CD247: variants seen among roughly 807,000 people sequenced by gnomAD.
CD247 encodes CD247 molecule, also known as T-cell surface glycoprotein CD3 zeta chain.
In CD247, 13 loss-of-function variants were observed where a neutral mutation model predicts 30.0. The ratio of observed to expected loss-of-function variants is 0.43; its 90% CI spans 0.28 to 0.69. The LOEUF (loss-of-function observed/expected upper bound fraction) is 0.69. CD247 is among the 30% of genes least tolerant of loss of function. The pLI is 0.16. For missense variants in CD247, 193 were observed against 212.6 expected (o/e 0.91, Z 0.57); for synonymous variants, 72 against 80.0 (o/e 0.90, Z 0.53).
chr1:167,502,922 G>A (rs1315558436), intron 1 of CD247, among the ~76,000 whole-genome samples: 2 of 152,122 alleles, frequency 1.3e-5, no homozygotes, highest in Non-Finnish European at 2.9e-5. Flanking sequence ...CCTTGACTTT[G>A]GACTTTTAGC....
chr1:167,473,301 T>G (rs1256760241), intron 1 of CD247, among the ~76,000 whole-genome samples: 1 of 152,188 alleles, frequency 6.6e-6, no homozygotes, highest in Non-Finnish European at 1.5e-5. Context: ...GCTCCCTGCT[T>G]GCCATCTCCT....
chr1:167,477,303 C>A (rs1465403000), intron 1 of CD247, among the ~76,000 whole-genome samples: 1 of 152,224 alleles, frequency 6.6e-6, no homozygotes, highest in Admixed American at 6.5e-5. Flanking sequence ...ATGACCTTGA[C>A]AATTTTACCT....
At chr1:167,497,767 T>C (rs746713478) in intron 1 of CD247, among the ~76,000 whole-genome samples, 9 of 152,176 alleles carry the variant, frequency 5.9e-5, no homozygotes, top group Non-Finnish European at 1.2e-4. Context: ...ACCCTATCCA[T>C]AACCTGAATT....
In CD247 at chr1:167,434,288, C is replaced by T. The variant is rs1651421314; in HGVS notation, c.337-212G>A. ...CCTCATCCTCAGCCCTTTGGAGTCTCCTCCGAGCTGCCAGCTCTTTGCACT... is the reference window on the plus strand; with the variant it reads ...CCTCATCCTCAGCCCTTTGGAGTCTTCTCCGAGCTGCCAGCTCTTTGCACT... On this transcript the variant is annotated intron_variant, in intron 5 of 7. Coordinates refer to ENST00000362089, the MANE Select transcript of CD247 (RefSeq NM_198053.3). 3 of 610,812 alleles carry T rather than the reference C, an allele frequency of 4.9e-6. No homozygotes were observed. In the East Asian group the frequency reaches 8.4e-5, roughly 17 times the overall value. The allele number at this position is 610,812 out of a possible 1,614,324, so 37.8% of individuals were successfully genotyped here.
At chr1:167,471,537 AT>A (rs1325016178) in intron 1 of CD247, among the ~76,000 whole-genome samples, 2 of 152,138 alleles carry the variant, frequency 1.3e-5, no homozygotes, top group African/African-American at 4.8e-5. Flanking sequence ...CATTTTTTTC[AT>A]GTGTTTTCTT....
intron 4 of CD247, among the ~76,000 whole-genome samples, chr1:167,438,020 G>GAGGA (rs57753052): frequency 0.026 from 3,962 of 150,858 alleles, 67 homozygotes; most frequent in East Asian, 0.031. Flanking sequence ...AATAAAGACA[G>GAGGA]AGGAAGGAAG....
chr1:167,446,952 G>A (rs912603543), intron 1 of CD247, among the ~76,000 whole-genome samples: 5 of 152,106 alleles, frequency 3.3e-5, no homozygotes, highest in African/African-American at 9.7e-5. Context: ...CGGAGATTAC[G>A]CCACTACACT....
chr1:167,502,807 A>G (rs1204637702), intron 1 of CD247, among the ~76,000 whole-genome samples: 1 of 152,194 alleles, frequency 6.6e-6, no homozygotes. Context: ...TGATGCATCT[A>G]CAAGCCAAGG....
At position 167,438,834 on chromosome 1, in the gene CD247, G is replaced by C. The variant is rs79939937; in HGVS notation, c.220-184C>G. On this transcript the variant is annotated intron_variant, in intron 3 of 7. Coordinates refer to ENST00000362089, the MANE Select transcript of CD247 (RefSeq NM_198053.3). ...TCCCAGAGGACATCTCAGAGAACAC[G>C]CCTTAACATGACAGTGGATGGGATC... is the stretch of plus-strand genomic sequence containing the variant. Among the ~76,000 whole-genome samples, 2,203 of 152,196 alleles carry C rather than the reference G, an allele frequency of 0.014. 27 individuals are homozygous for C. The highest frequency in any genetic ancestry group is 0.028 in the South Asian group (136 of 4,814).
chr1:167,450,143 C>T (rs1250684090), intron 1 of CD247, among the ~76,000 whole-genome samples: 2 of 152,130 alleles, frequency 1.3e-5, no homozygotes, highest in Non-Finnish European at 2.9e-5. Flanking sequence ...ATAAATAATT[C>T]TAAGATGAAC....
intron 1 of CD247, among the ~76,000 whole-genome samples, chr1:167,496,291 A>T (rs1331896678): frequency 1.3e-5 from 2 of 152,136 alleles, no homozygotes; most frequent in African/African-American, 4.8e-5. Flanking sequence ...CCATTCATCA[A>T]AGAAGCTATC....
intron 1 of CD247, among the ~76,000 whole-genome samples, chr1:167,452,243 AC>A (rs1652383832): frequency 6.6e-6 from 1 of 151,734 alleles, no homozygotes; most frequent in Non-Finnish European, 1.5e-5. Context: ...ACAAAACAAA[AC>A]AAAAACCATC....
chr1:167,452,086 G>A (rs986429243), intron 1 of CD247, among the ~76,000 whole-genome samples: 2 of 152,234 alleles, frequency 1.3e-5, no homozygotes, highest in African/African-American at 2.4e-5. Flanking sequence ...TTAGCCAGGT[G>A]TGGTGGTAGG....
In CD247 at chr1:167,518,478, C is replaced by T. The variant is rs772492391; in HGVS notation, c.-13G>A. On this transcript the variant is annotated 5_prime_UTR_variant, in exon 1 of 8. Transcript: ENST00000362089. ...CCTTCCACTTCATCTTGTCCTTTCC[C>T]TCAGAAAGAGGCTGGGAGGCAGAGG... The T allele has an allele frequency of 6.2e-7, 1 of 1,613,750 alleles. No individual in the cohort carries two copies. Among genetic ancestry groups the T allele is most frequent in the Non-Finnish European group, 8.5e-7 (1 of 1,179,852 alleles).
intron 1 of CD247, among the ~76,000 whole-genome samples, chr1:167,477,615 G>T (rs1423352104): frequency 6.6e-6 from 1 of 152,118 alleles, no homozygotes; most frequent in Non-Finnish European, 1.5e-5. Context: ...CTGCAGCCTT[G>T]ACCTCCTGGG....
rs913632382 is a variant in CD247 at position 167,508,677 on chromosome 1, A to C, written c.58+9731T>G. Among the ~76,000 whole-genome samples, 6 of 152,210 alleles carry C rather than the reference A, an allele frequency of 3.9e-5. No homozygotes were observed. In the East Asian group the frequency reaches 1.2e-3, roughly 29 times the overall value. On this transcript the variant is annotated intron_variant, in intron 1 of 7. Transcript: ENST00000362089. ...TTTCTCTCGACTCTGTGGAAATCAA[A>C]GGAGGAATTTCTGAAGCTCTCTTGG...
At chr1:167,505,511 G>T (rs574751528) in intron 1 of CD247, among the ~76,000 whole-genome samples, 1 of 152,360 alleles carries the variant, frequency 6.6e-6, no homozygotes, top group South Asian at 2.1e-4. Flanking sequence ...CAGGTGGAAG[G>T]CTAAATTCAT....
At chr1:167,468,552 C>T (rs911395595) in intron 1 of CD247, among the ~76,000 whole-genome samples, 2 of 152,204 alleles carry the variant, frequency 1.3e-5, no homozygotes, top group Non-Finnish European at 2.9e-5. Flanking sequence ...CAAAGTGAGC[C>T]TCCTGGTAGC....
rs983135046 is a variant in CD247, at chr1:167,430,737, T to G, written c.*944A>C. 2 of 398,588 alleles carry G rather than the reference T, an allele frequency of 5.0e-6. No individual in the cohort carries two copies. Among genetic ancestry groups the G allele is most frequent in the African/African-American group, 4.1e-5 (2 of 48,660 alleles). The allele number at this position is 398,588 out of a possible 1,614,324, so 24.7% of individuals were successfully genotyped here. On this transcript the variant is annotated 3_prime_UTR_variant, in exon 8 of 8. Transcript: ENST00000362089. ...AAAAAAAGCAGAGTAGAGAGCGTTTTCCATCCATGGCCTGTGCCCTGTAAT... is the reference window on the plus strand; with the variant it reads ...AAAAAAAGCAGAGTAGAGAGCGTTTGCCATCCATGGCCTGTGCCCTGTAAT...
Sources: gnomAD v4.1 joint callset for allele counts (sites outside exome capture counted in the v4.1 genomes callset) on GRCh38, gnomAD v4.1.1 for gene constraint, MANE v1.5 for transcripts, NCBI Gene and HGNC (gene_info 2026-07-23, HGNC 2026-07-21) for gene names.